The following KCNAB2 variants were observed in gnomAD, a reference collection of about 807,000 sequenced individuals.
KCNAB2 encodes potassium voltage-gated channel subfamily A regulatory beta subunit 2, also known as voltage-gated potassium channel subunit beta-2.
In KCNAB2, 29 loss-of-function variants were observed where a neutral mutation model predicts 63.6. That is an observed-to-expected ratio of 0.46 (90% CI 0.34 to 0.62). The LOEUF (loss-of-function observed/expected upper bound fraction) is 0.62, where lower values mean the gene tolerates loss of function less well. KCNAB2 is among the 20% of genes least tolerant of loss of function. The pLI, the probability that KCNAB2 is intolerant of heterozygous loss-of-function variation, is 0.01. For missense variants in KCNAB2, 359 were observed against 563.9 expected, an observed-to-expected ratio of 0.64 and a Z score of 3.68; for synonymous variants, 222 against 224.2, an observed-to-expected ratio of 0.99 and a Z score of 0.09.
At chr1:6,076,735 C>T (rs537805004) in intron 4 of KCNAB2, among the ~76,000 whole-genome samples, 1 of 152,270 alleles carries the variant, frequency 6.6e-6, no homozygotes, top group Admixed American at 6.5e-5. Context: ...TCCTTGTCCC[C>T]CCAGATGAGG....
chr1:6,068,461 C>G (rs1662932856), intron 2 of KCNAB2, among the ~76,000 whole-genome samples: 1 of 152,236 alleles, frequency 6.6e-6, no homozygotes, highest in Admixed American at 6.5e-5. Flanking sequence ...CTAGCACTCT[C>G]TGACTGAGGG....
At chr1:6,059,530 G>T (rs1180768457) in intron 2 of KCNAB2, among the ~76,000 whole-genome samples, 1 of 152,206 alleles carries the variant, frequency 6.6e-6, no homozygotes, top group Non-Finnish European at 1.5e-5. Flanking sequence ...CTTCCTGGAG[G>T]TTTGGGGCAT....
In KCNAB2 at chr1:6,087,341, A is replaced by G. The variant is rs957886325; in HGVS notation, c.426-126A>G. 2 of 1,014,944 alleles carry G rather than the reference A, an allele frequency of 2.0e-6. No homozygotes were observed. Among genetic ancestry groups the G allele is most frequent in the East Asian group, 2.4e-5 (1 of 41,732 alleles). 62.9% of individuals were successfully genotyped at this position (1,014,944 alleles called of 1,614,324 possible). On this transcript the variant is annotated intron_variant, in intron 6 of 15. Coordinates refer to ENST00000378083, the MANE Select transcript of KCNAB2 (RefSeq NM_001199862.2). This position sits in a 1 kb window ranked among gnomAD's most constrained non-coding sequence, Gnocchi z 6.4. ...CATATGATGGAGAAGTGCCCATTTCATGCCCCAGGCTCCTGGGTGGGAGGG... is the reference window on the plus strand; with the variant it reads ...CATATGATGGAGAAGTGCCCATTTCGTGCCCCAGGCTCCTGGGTGGGAGGG...
chr1:6,013,522 G>C (rs1007252019), intron 1 of KCNAB2, among the ~76,000 whole-genome samples: 1 of 152,078 alleles, frequency 6.6e-6, no homozygotes, highest in East Asian at 1.9e-4. Context: ...GTGGATGCCC[G>C]ACCAGCATCT....
chr1:6,030,772 A>G (rs1226294881), upstream of KCNAB2, among the ~76,000 whole-genome samples: 2 of 146,396 alleles, frequency 1.4e-5, no homozygotes, highest in Non-Finnish European at 3.0e-5. Context: ...ACGTGTGTGT[A>G]GATATGTGTG....
intron 1 of KCNAB2, among the ~76,000 whole-genome samples, chr1:6,023,644 GT>G (rs1347938364): frequency 6.6e-6 from 1 of 152,164 alleles, no homozygotes; most frequent in African/African-American, 2.4e-5. Flanking sequence ...TAATTGGGCT[GT>G]TTGGTTTTCT....
intron 2 of KCNAB2, among the ~76,000 whole-genome samples, chr1:6,060,214 G>C (rs551491457): frequency 6.0e-4 from 91 of 152,344 alleles, no homozygotes; most frequent in African/African-American, 1.7e-3. Flanking sequence ...CCTTCTCCCT[G>C]GAGCCCTGCC....
Position 5,994,445 on chromosome 1 carries a change from C to T in KCNAB2, c.-53+1657C>T, listed in dbSNP as rs1656822562. Among the ~76,000 whole-genome samples, 1 of 152,226 alleles carries T rather than the reference C, an allele frequency of 6.6e-6. No homozygotes were observed. The highest frequency in any genetic ancestry group is 6.5e-5 in the Admixed American group (1 of 15,290). ...CATTGTCTCCACGGCCACACTCGGCCTCAGTGGCACTGACAGTGTTCGGGC... is the reference window on the plus strand; with the variant it reads ...CATTGTCTCCACGGCCACACTCGGCTTCAGTGGCACTGACAGTGTTCGGGC... On this transcript the variant is annotated intron_variant, in intron 1 of 16. Transcript: ENST00000341524. This position sits in a 1 kb window ranked among gnomAD's most constrained non-coding sequence, Gnocchi z 5.4.
chr1:6,048,130 G>A (rs1254734786), intron 1 of KCNAB2, among the ~76,000 whole-genome samples: 1 of 152,202 alleles, frequency 6.6e-6, no homozygotes, highest in Non-Finnish European at 1.5e-5. Context: ...TGTTGTGAAG[G>A]GGGCGATTAT....
At chr1:6,038,429 T>C (rs1235979577) in intron 1 of KCNAB2, among the ~76,000 whole-genome samples, 2 of 152,182 alleles carry the variant, frequency 1.3e-5, no homozygotes, top group Non-Finnish European at 2.9e-5. Flanking sequence ...TAGCTGGGAT[T>C]ACAGACATGC....
At chr1:6,013,284 T>G (rs1658300400) in intron 1 of KCNAB2, among the ~76,000 whole-genome samples, 1 of 151,882 alleles carries the variant, frequency 6.6e-6, no homozygotes, top group Admixed American at 6.6e-5. Context: ...GCCAGTCAGG[T>G]GAACAGTCAC....
Position 6,086,061 on chromosome 1 carries a change from C to T in KCNAB2, c.425+813C>T, listed in dbSNP as rs1403180512. 1 of 985,318 alleles carries T rather than the reference C, an allele frequency of 1.0e-6. No individual in the cohort carries two copies. The highest frequency in any genetic ancestry group is 1.2e-6 in the Non-Finnish European group (1 of 829,942). 61.0% of individuals were successfully genotyped at this position (985,318 alleles called of 1,614,324 possible). A position where few individuals can be genotyped will look rare whatever the true frequency, so the allele number is the denominator to read the frequency against. ...ACCAACTGGGCTGAGCACTTGCCTA[C>T]ATTTTGAGGCTCCCCAGACCCCTGG... On this transcript the variant is annotated intron_variant, in intron 6 of 15. Coordinates refer to ENST00000378083, the MANE Select transcript of KCNAB2 (RefSeq NM_001199862.2). This position sits in a 1 kb window ranked among gnomAD's most constrained non-coding sequence, Gnocchi z 4.2.
chr1:5,993,565 C>A lies in KCNAB2; in HGVS notation c.-53+777C>A, dbSNP rs543277743. On this transcript the variant is annotated intron_variant, in intron 1 of 16. Coordinates refer to the KCNAB2 transcript ENST00000341524. ...GACCCCACTGCTGCACCGCGTCCTG[C>A]GGCATTAGCAGCAGCCGGGGTACCT... Among the ~76,000 whole-genome samples, 101 of 152,326 alleles carry A rather than the reference C, an allele frequency of 6.6e-4. 1 individual carries two copies. In the East Asian group the frequency reaches 0.016, roughly 24 times the overall value.
rs556140284 is a variant in KCNAB2 at position 6,071,617 on chromosome 1, G to A, written c.219-1138G>A. Among the ~76,000 whole-genome samples, 210 of 152,314 alleles carry A rather than the reference G, an allele frequency of 1.4e-3. 1 individual carries two copies. Among genetic ancestry groups the A allele is most frequent in the African/African-American group, 4.9e-3 (203 of 41,574 alleles). On this transcript the variant is annotated intron_variant, in intron 2 of 15. Coordinates refer to ENST00000378083, the MANE Select transcript of KCNAB2 (RefSeq NM_001199862.2). This position sits in a 1 kb window ranked among gnomAD's most constrained non-coding sequence, Gnocchi z 8.5. ...ATCGTAACGTGGGAATCGATGTCAC[G>A]ACAAGCAAGGCGCCTGCTGCGTAGG...
rs771543310 is a variant in KCNAB2 at position 6,095,589 on chromosome 1, A to C, written c.913A>C (p.Ser305Arg). 1 of 1,613,380 alleles carries C rather than the reference A, an allele frequency of 6.2e-7. No homozygotes were observed. Among genetic ancestry groups the C allele is most frequent in the Admixed American group, 1.7e-5 (1 of 60,020 alleles). ...TGGCATTGTTTCTGGCAAGTACGAC[A>C]GTGGCATCCCACCCTACTCAAGAGC... is the stretch of plus-strand genomic sequence containing the variant. ...ACGIVSGKYD[S>R]GIPPYSRASL... The change falls in exon 13 of 16, where the codon AGT (serine) becomes CGT (arginine). Residue 305 changes from serine (S) to arginine (R), a missense_variant. Physicochemically the swap from Ser to Arg is moderately radical, Grantham distance 110. Around this residue, in one of 2 missense-constraint regions of KCNAB2, gnomAD observed 271 missense variants for 476.1 expected, o/e 0.57. Coordinates refer to ENST00000378083, the MANE Select transcript of KCNAB2 (RefSeq NM_001199862.2).
At chr1:6,063,294 A>C (rs1218439021) in intron 2 of KCNAB2, among the ~76,000 whole-genome samples, 2 of 151,884 alleles carry the variant, frequency 1.3e-5, no homozygotes, top group African/African-American at 4.8e-5. Context: ...AAGTTCTGGG[A>C]TTACAAGTGT....
At chr1:6,079,025 T>G (rs1663958844) in intron 4 of KCNAB2, among the ~76,000 whole-genome samples, 1 of 152,066 alleles carries the variant, frequency 6.6e-6, no homozygotes, top group African/African-American at 2.4e-5. Context: ...CTGGACTAAT[T>G]TGCAGGGGAA....
At chr1:6,085,812 C>T (rs558257366) in intron 6 of KCNAB2, 56 of 987,118 alleles carry the variant, frequency 5.7e-5, no homozygotes, top group Middle Eastern at 1.0e-3. Context: ...GGGACCGTTC[C>T]GGCAGGGCTA....
intron 1 of KCNAB2, among the ~76,000 whole-genome samples, chr1:6,022,289 T>TTCAGTGGTACTGAGTGTATGGC (rs1658889442): frequency 2.0e-5 from 3 of 152,166 alleles, no homozygotes; most frequent in Admixed American, 6.5e-5. Context: ...GAGTGTACAG[T>TTCAGTGGTACTGAGTGTATGGC]TCAGTGGTAC....
Sources: allele counts gnomAD v4.1 joint callset (sites outside exome capture counted in the v4.1 genomes callset), GRCh38; gene constraint gnomAD v4.1.1; regional missense constraint gnomAD v4.1.1; non-coding constraint Gnocchi (gnomAD v3.1); transcripts MANE v1.5; gene names NCBI Gene and HGNC (gene_info 2026-07-23, HGNC 2026-07-21).